The following LDAH variants were observed in gnomAD, a reference collection of about 807,000 sequenced individuals.
LDAH encodes the protein lipid droplet associated hydrolase, also known as lipid droplet-associated hydrolase.
Under a neutral mutation model 29.6 loss-of-function variants are expected in LDAH, and 26 were observed. The observed-to-expected ratio is 0.88, with a 90% CI of 0.64 to 1.22. LDAH has a LOEUF of 1.22. Among genes scored for constraint, LDAH ranks in the 50% most tolerant of loss-of-function variants. The pLI, the probability that LDAH is intolerant of heterozygous loss-of-function variation, is 0.00. For synonymous variants in LDAH, 117 were observed against 133.0 expected, an observed-to-expected ratio of 0.88 and a Z score of 0.83; for missense variants, 344 against 387.3, an observed-to-expected ratio of 0.89 and a Z score of 0.94.
intron 2 of LDAH, among the ~76,000 whole-genome samples, chr2:20,797,861 A>C (rs1671409522): frequency 6.6e-6 from 1 of 152,238 alleles, no homozygotes; most frequent in South Asian, 2.1e-4. Context: ...TATTAGAATG[A>C]AATGAGTTTC....
In LDAH at chr2:20,762,033, T is replaced by A. The variant is rs183776023; in HGVS notation, c.468+12777A>T. Among the ~76,000 whole-genome samples, 345 of 152,146 alleles carry A rather than the reference T, an allele frequency of 2.3e-3. 1 individual carries two copies. The highest frequency in any genetic ancestry group is 8.1e-3 in the African/African-American group (338 of 41,538). The stretch of plus-strand genomic sequence containing the variant: ...AATTATCAAGCTTTTCCATGTGTGA[T>A]TTTTATACAGTTGTATTCACACATT... On this transcript the variant is annotated intron_variant, in intron 4 of 6. Transcript: ENST00000237822.
At chr2:20,771,756 C>A (rs1160969424) in intron 4 of LDAH, among the ~76,000 whole-genome samples, 1 of 135,330 alleles carries the variant, frequency 7.4e-6, no homozygotes, top group Non-Finnish European at 1.6e-5. Context: ...AAAGAGGTGA[C>A]CTTTTGGACA....
At chr2:20,789,339 AC>A (rs1670781699) in intron 3 of LDAH, 1 of 1,527,650 alleles carries the variant, frequency 6.5e-7, no homozygotes, top group African/African-American at 1.4e-5. Flanking sequence ...CAAGAATGCC[AC>A]CTGTGAATCG....
intron 5 of LDAH, among the ~76,000 whole-genome samples, chr2:20,736,748 T>C (rs542921453): frequency 3.3e-5 from 5 of 152,096 alleles, no homozygotes; most frequent in African/African-American, 1.2e-4. Flanking sequence ...CAAAGGGCAC[T>C]AACTTAAATC....
At chr2:20,787,073 T>C (rs1266772338) in intron 3 of LDAH, among the ~76,000 whole-genome samples, 1 of 152,190 alleles carries the variant, frequency 6.6e-6, no homozygotes, top group East Asian at 1.9e-4. Flanking sequence ...TTGTTACTTT[T>C]AAAATAGTCT....
At chr2:20,776,241 T>A (rs1669821266) in intron 3 of LDAH, among the ~76,000 whole-genome samples, 1 of 152,134 alleles carries the variant, frequency 6.6e-6, no homozygotes, top group Non-Finnish European at 1.5e-5. Flanking sequence ...TTTTTTTGTG[T>A]GTGTGTGTGC....
intron 6 of LDAH, among the ~76,000 whole-genome samples, chr2:20,697,901 A>C (rs1663610025): frequency 6.6e-6 from 1 of 152,234 alleles, no homozygotes; most frequent in Admixed American, 6.5e-5. Flanking sequence ...TAAAAATGAT[A>C]AGTATTTTTA....
rs1662519666 is a variant in LDAH, at chr2:20,685,782, T to C, written c.*1121A>G. 8.5e-7 allele frequency: 1 copy of C among 1,178,684 alleles called. No homozygotes were observed. The highest frequency in any genetic ancestry group is 1.2e-6 in the Non-Finnish European group (1 of 863,146). The allele number at this position is 1,178,684 out of a possible 1,614,324, so 73.0% of individuals were successfully genotyped here. A position where few individuals can be genotyped will look rare whatever the true frequency, so the allele number is the denominator to read the frequency against. ...CCCACTCTAGGCCAGGGAATATGTG[T>C]CTTCTCTGCCATACCTCAATGTGTC... On this transcript the variant is annotated 3_prime_UTR_variant, in exon 7 of 7. Transcript: ENST00000237822.
chr2:20,715,462 A>T (rs1433125995), intron 5 of LDAH, among the ~76,000 whole-genome samples: 4 of 152,206 alleles, frequency 2.6e-5, no homozygotes, highest in African/African-American at 7.2e-5. Context: ...TGCCTTTGCA[A>T]ACCGGCACAA....
At chr2:20,810,007 G>A (rs1005179347) in intron 1 of LDAH, among the ~76,000 whole-genome samples, 23 of 152,260 alleles carry the variant, frequency 1.5e-4, no homozygotes, top group Non-Finnish European at 2.8e-4. Context: ...AGTTACTCTC[G>A]CTATCTAAAA....
chr2:20,782,959 T>C (rs1158979766), intron 3 of LDAH, among the ~76,000 whole-genome samples: 1 of 152,218 alleles, frequency 6.6e-6, no homozygotes, highest in Non-Finnish European at 1.5e-5. Context: ...CAGTCAATGC[T>C]ATAAATTTCC....
At chr2:20,705,973 C>T (rs1256543001) in intron 5 of LDAH, among the ~76,000 whole-genome samples, 1 of 152,186 alleles carries the variant, frequency 6.6e-6, no homozygotes, top group East Asian at 1.9e-4. Context: ...CCAACCAATA[C>T]AAAGGCCCTT....
intron 4 of LDAH, among the ~76,000 whole-genome samples, chr2:20,758,275 A>C (rs568891707): frequency 6.6e-6 from 1 of 152,352 alleles, no homozygotes; most frequent in Admixed American, 6.5e-5. Flanking sequence ...ATAAAGTCAG[A>C]TAGGGAGTTT....
chr2:20,762,838 C>T (rs1303471773), intron 4 of LDAH, among the ~76,000 whole-genome samples: 1 of 152,234 alleles, frequency 6.6e-6, no homozygotes, highest in East Asian at 1.9e-4. Context: ...CTTCCATCAC[C>T]AGGGTAATAT....
At chr2:20,816,662 G>A (rs926937380) in intron 1 of LDAH, among the ~76,000 whole-genome samples, 14 of 151,834 alleles carry the variant, frequency 9.2e-5, no homozygotes, top group African/African-American at 1.7e-4. Flanking sequence ...CTTCAGCAAC[G>A]AAAATAACTA....
intron 4 of LDAH, among the ~76,000 whole-genome samples, chr2:20,755,414 A>C (rs1668276275): frequency 6.6e-6 from 1 of 152,126 alleles, no homozygotes; most frequent in South Asian, 2.1e-4. Flanking sequence ...TGAACATATT[A>C]ATTTACTCAT....
intron 2 of LDAH, among the ~76,000 whole-genome samples, chr2:20,798,159 G>A (rs1671433417): frequency 6.6e-6 from 1 of 152,170 alleles, no homozygotes; most frequent in Non-Finnish European, 1.5e-5. Flanking sequence ...GCAGCATGCT[G>A]TGTTACTTCT....
At chr2:20,722,707 TATG>T (rs1665745339) in intron 5 of LDAH, among the ~76,000 whole-genome samples, 1 of 152,202 alleles carries the variant, frequency 6.6e-6, no homozygotes, top group African/African-American at 2.4e-5. Flanking sequence ...TACCCTAAAA[TATG>T]TACAACTATT....
intron 4 of LDAH, among the ~76,000 whole-genome samples, chr2:20,748,475 A>C (rs958812515): frequency 6.6e-6 from 1 of 152,254 alleles, no homozygotes; most frequent in African/African-American, 2.4e-5. Context: ...CTCTGCACTT[A>C]TTTTATTTTG....
Sources: gnomAD v4.1 joint callset for allele counts (sites outside exome capture counted in the v4.1 genomes callset) on GRCh38, gnomAD v4.1.1 for gene constraint, MANE v1.5 for transcripts, NCBI Gene and HGNC (gene_info 2026-07-23, HGNC 2026-07-21) for gene names.